The following PLEKHA7 variants were observed in gnomAD, a reference collection of about 807,000 sequenced individuals.
PLEKHA7 encodes the protein pleckstrin homology domain-containing family A member 7.
PLEKHA7 carries 104 observed loss-of-function variants against 170.0 expected under a neutral mutation model. That is an observed-to-expected ratio of 0.61 (90% confidence interval 0.52 to 0.72). PLEKHA7 has a LOEUF of 0.72. Ranked by LOEUF, PLEKHA7 falls within the 30% of genes least tolerant of loss-of-function variation. The pLI is 0.00. For missense variants in PLEKHA7, 1,615 were observed against 1,671.7 expected, an observed-to-expected ratio of 0.97 and a Z score of 0.59; for synonymous variants, 648 against 660.8, an observed-to-expected ratio of 0.98 and a Z score of 0.30.
intron 3 of PLEKHA7, among the ~76,000 whole-genome samples, chr11:16,917,956 AG>A (rs1378625942): frequency 6.6e-5 from 10 of 152,296 alleles, no homozygotes; most frequent in African/African-American, 2.2e-4. Flanking sequence ...ATGTCCCACA[AG>A]GGGCCCTGAA....
At position 16,791,046 on chromosome 11, in the gene PLEKHA7, G is replaced by A. The variant is rs755033176; in HGVS notation, c.2899C>T (p.Arg967Trp). ...CCATTCACACACTGCCCCAGCTCCC[G>A]GTCTCGCTTCCTCTCGTCTGACTGC... ...KRQSDERKRDRELGQCVNGDS... is the reference protein window; with the variant it reads ...KRQSDERKRDWELGQCVNGDS... Residue 967 changes from arginine to tryptophan, a missense_variant, in exon 20 of 27, where the codon CGG (arginine) becomes TGG (tryptophan). By Grantham distance (101) the Arg-to-Trp change is moderately radical. Transcript: ENST00000531066. The surrounding 1 kb of genome is among the most constrained non-coding windows in gnomAD (Gnocchi z 4.5). 1.2e-5 allele frequency: 19 copies of A among 1,613,938 alleles called. No individual in the cohort carries two copies. Among genetic ancestry groups the A allele is most frequent in the Non-Finnish European group, 1.4e-5 (17 of 1,180,034 alleles).
At chr11:16,892,453 TG>T (rs371129357) in intron 3 of PLEKHA7, among the ~76,000 whole-genome samples, 19,743 of 147,322 alleles carry the variant, frequency 0.13, 1,546 homozygotes, top group Admixed American at 0.16. Context: ...TGTTTTGTTT[TG>T]TTTTGTTTTG....
At chr11:16,922,537 C>T (rs141725951) in intron 3 of PLEKHA7, among the ~76,000 whole-genome samples, 386 of 152,328 alleles carry the variant, frequency 2.5e-3, no homozygotes, top group African/African-American at 9.0e-3. Flanking sequence ...AGGCCTGGAA[C>T]ACTGGCTTCT....
At chr11:16,929,077 A>T (rs1051000119) in intron 3 of PLEKHA7, among the ~76,000 whole-genome samples, 19 of 152,286 alleles carry the variant, frequency 1.2e-4, no homozygotes, top group Non-Finnish European at 2.5e-4. Context: ...CTGCTTAAAA[A>T]CAACTGCATT....
chr11:16,873,717 A>T (rs886362318), intron 3 of PLEKHA7, among the ~76,000 whole-genome samples: 4 of 152,124 alleles, frequency 2.6e-5, no homozygotes, highest in Admixed American at 2.0e-4. Flanking sequence ...CCCAGGCTGG[A>T]GTGCAATGGC....
At chr11:17,008,724 C>G (rs568530878) in intron 3 of PLEKHA7, among the ~76,000 whole-genome samples, 2 of 152,214 alleles carry the variant, frequency 1.3e-5, no homozygotes, top group Non-Finnish European at 2.9e-5. Context: ...AGCCTTGGCA[C>G]AGGCAAGGTG....
chr11:16,911,393 T>C (rs909763520), intron 3 of PLEKHA7, among the ~76,000 whole-genome samples: 7 of 152,080 alleles, frequency 4.6e-5, no homozygotes, highest in African/African-American at 1.2e-4. Context: ...GAGGCTACTC[T>C]TGGAACAAAG....
intron 3 of PLEKHA7, among the ~76,000 whole-genome samples, chr11:16,992,711 T>G (rs1590805603): frequency 1.4e-5 from 2 of 146,688 alleles, no homozygotes; most frequent in Admixed American, 1.4e-4. Flanking sequence ...AGTTGAGATC[T>G]CGCCACTGCA....
At chr11:16,790,950 G>T in intron 20 of PLEKHA7, 35 bp from the exon 21 acceptor site, 3 of 1,613,382 alleles carry the variant, frequency 1.9e-6, no homozygotes, top group Non-Finnish European at 2.5e-6. Flanking sequence ...TGACCTGCCA[G>T]TGTCACACCC....
chr11:16,921,898 G>A, intron 3 of PLEKHA7, among the ~76,000 whole-genome samples: 1 of 152,238 alleles, frequency 6.6e-6, no homozygotes, highest in East Asian at 1.9e-4. Flanking sequence ...GAGTCACGCA[G>A]CTAAAATGTG....
At chr11:16,976,698 C>T (rs922133215) in intron 3 of PLEKHA7, among the ~76,000 whole-genome samples, 1 of 152,230 alleles carries the variant, frequency 6.6e-6, no homozygotes, top group African/African-American at 2.4e-5. Context: ...AATGCTTTCC[C>T]TCTATTGGCA....
intron 3 of PLEKHA7, among the ~76,000 whole-genome samples, chr11:17,003,717 T>C (rs1224989579): frequency 1.3e-5 from 2 of 152,338 alleles, no homozygotes; most frequent in Non-Finnish European, 2.9e-5. Context: ...TCTTTACACA[T>C]GCTGTCACCC....
chr11:16,800,969 G>T lies in PLEKHA7; in HGVS notation c.2409+5C>A, dbSNP rs1487010598. 27 of 1,612,232 alleles carry T rather than the reference G, an allele frequency of 1.7e-5. No homozygotes were observed. The highest frequency in any genetic ancestry group is 2.1e-5 in the Non-Finnish European group (25 of 1,178,346). On this transcript the variant is annotated splice_donor_5th_base_variant and intron_variant, in intron 17 of 26. Coordinates refer to ENST00000531066, the MANE Select transcript of PLEKHA7 (RefSeq NM_001329630.2). Reference sequence around the variant, plus strand: ...CTCAGAAGAGATGGACAGGTATCAGGTCACCTGGAAAAAAAAGGCTCTTCT... The same window carrying T: ...CTCAGAAGAGATGGACAGGTATCAGTTCACCTGGAAAAAAAAGGCTCTTCT...
rs577281422 is a variant in PLEKHA7, at chr11:16,857,574, G to C, written c.306-1660C>G. On this transcript the variant is annotated intron_variant, in intron 4 of 26. Coordinates refer to ENST00000531066, the MANE Select transcript of PLEKHA7 (RefSeq NM_001329630.2). ...TATGTCCAAAACATCCTGGAACCTG[G>C]TCTTGTCTAACTCTTCAGACTTCTG... Among the ~76,000 whole-genome samples the C allele has an allele frequency of 3.3e-5, 5 of 152,352 alleles. No homozygotes were observed. The South Asian group carries it at 1.0e-3, about 32-fold the overall frequency.
chr11:16,822,260 C>T (rs943539151), intron 10 of PLEKHA7, among the ~76,000 whole-genome samples: 1 of 152,162 alleles, frequency 6.6e-6, no homozygotes. Context: ...AAGAGTTTCT[C>T]ACTGGCCATG....
chr11:16,936,612 C>A (rs374371378), intron 3 of PLEKHA7, among the ~76,000 whole-genome samples: 14 of 152,140 alleles, frequency 9.2e-5, no homozygotes, highest in East Asian at 7.7e-4. Context: ...CCTCTTCTCT[C>A]CCTTTCTCTC....
chr11:16,921,334 T>C (rs924047518), intron 3 of PLEKHA7, among the ~76,000 whole-genome samples: 1 of 151,970 alleles, frequency 6.6e-6, no homozygotes, highest in Non-Finnish European at 1.5e-5. Context: ...CTAGGGTGAG[T>C]GCAAAAAGGG....
intron 3 of PLEKHA7, among the ~76,000 whole-genome samples, chr11:16,962,315 T>C (rs1862111243): frequency 6.6e-6 from 1 of 152,180 alleles, no homozygotes. Flanking sequence ...GTGAGATCAC[T>C]TGTGTAAAAA....
At chr11:16,892,440 T>TGTGTGTGTGTGTGTGTGTGTGTGTGTG (rs749414406) in intron 3 of PLEKHA7, among the ~76,000 whole-genome samples, 4 of 102,540 alleles carry the variant, frequency 3.9e-5, no homozygotes, top group African/African-American at 1.3e-4. Context: ...GTGTGTTTTG[T>TGTGTGTGTGTGTGTGTGTGTGTGTGTG]TTTGTTTTGT....
Sources: allele counts gnomAD v4.1 joint callset (sites outside exome capture counted in the v4.1 genomes callset), GRCh38; gene constraint gnomAD v4.1.1; non-coding constraint Gnocchi (gnomAD v3.1); transcripts MANE v1.5; gene names NCBI Gene and HGNC (gene_info 2026-07-23, HGNC 2026-07-21).